The following SUSD1 variants were observed in gnomAD, a reference collection of about 807,000 sequenced individuals.
SUSD1 encodes sushi domain containing 1.
Under a neutral mutation model 86.9 loss-of-function variants are expected in SUSD1, and 65 were observed. The observed-to-expected ratio is 0.75, with a 90% CI of 0.61 to 0.92. The LOEUF (loss-of-function observed/expected upper bound fraction) is 0.92. Ranked by LOEUF, SUSD1 falls within the 40% of genes least tolerant of loss-of-function variation. SUSD1 has a pLI of 0.00. For synonymous variants in SUSD1, 346 were observed against 350.0 expected (o/e 0.99, Z 0.13); for missense variants, 850 against 929.7 (o/e 0.91, Z 1.11).
At position 112,058,638 on chromosome 9, in the gene SUSD1, A is replaced by C; in HGVS notation, c.1899T>G (p.Ser633=). The change falls in exon 14 of 17, where the codon TCT becomes TCG. Residue 633 remains serine (S), a synonymous_variant. Transcript: ENST00000374270. The part of the protein sequence containing the change: ...VLPLALQSTF[S]CDSEGASSFF... ...AGGAGGAAGCGCCTTCAGAATCACA[A>C]GAAAATGTGCTTTGGAGGGCCAGGG... The C allele has an allele frequency of 6.2e-7, 1 of 1,614,200 alleles. No individual in the cohort carries two copies. The highest frequency in any genetic ancestry group is 2.2e-5 in the East Asian group (1 of 44,894).
At chr9:112,170,708 T>TAGAGAGAGAGAGAG (rs374990062) in intron 1 of SUSD1, among the ~76,000 whole-genome samples, 11 of 95,504 alleles carry the variant, frequency 1.2e-4, no homozygotes, top group South Asian at 1.1e-3. Flanking sequence ...TATATATATA[T>TAGAGAGAGAGAGAG]ATAGAGAGAG....
intron 1 of SUSD1, among the ~76,000 whole-genome samples, chr9:112,159,389 G>A (rs1259749673): frequency 2.0e-5 from 3 of 152,152 alleles, no homozygotes; most frequent in Non-Finnish European, 2.9e-5. Flanking sequence ...CCATGCTGCT[G>A]TTCTGCGTGT....
intron 12 of SUSD1, among the ~76,000 whole-genome samples, chr9:112,073,636 C>CA (rs1829387616): frequency 6.6e-6 from 1 of 152,064 alleles, no homozygotes; most frequent in African/African-American, 2.4e-5. Flanking sequence ...CCTGTAATCC[C>CA]AGCACTTTGA....
intron 12 of SUSD1, among the ~76,000 whole-genome samples, chr9:112,071,358 G>T (rs559140980): frequency 6.6e-6 from 1 of 152,196 alleles, no homozygotes; most frequent in South Asian, 2.1e-4. Context: ...TACTTGGGAG[G>T]CTGAGGCAGG....
intron 1 of SUSD1, among the ~76,000 whole-genome samples, chr9:112,159,970 C>T (rs896716556): frequency 7.3e-5 from 11 of 151,400 alleles, no homozygotes; most frequent in African/African-American, 2.7e-4. Context: ...GTTTGGAAAT[C>T]TCCCAGTCTC....
At chr9:112,165,953 G>GAA (rs1363141477) in intron 1 of SUSD1, among the ~76,000 whole-genome samples, 36 of 145,500 alleles carry the variant, frequency 2.5e-4, no homozygotes, top group Non-Finnish European at 4.8e-4. Context: ...AAGAAAGAAA[G>GAA]AAAGAAAGAA....
intron 5 of SUSD1, among the ~76,000 whole-genome samples, chr9:112,133,088 G>C (rs146236957): frequency 1.3e-5 from 2 of 152,260 alleles, no homozygotes; most frequent in African/African-American, 4.8e-5. Context: ...GACCAGCCTG[G>C]GCAACATGTT....
chr9:112,111,237 G>A (rs1043251313), intron 8 of SUSD1, among the ~76,000 whole-genome samples: 1 of 151,948 alleles, frequency 6.6e-6, no homozygotes, highest in South Asian at 2.1e-4. Flanking sequence ...CAAGTGATCT[G>A]CCCACTTCAG....
At position 112,049,800 on chromosome 9, in the gene SUSD1, G is replaced by A. The variant is rs377506725; in HGVS notation, c.2149+2599C>T. Among the ~76,000 whole-genome samples the A allele has an allele frequency of 5.9e-5, 9 of 152,288 alleles. No homozygotes were observed. In the East Asian group the frequency reaches 9.6e-4, roughly 16 times the overall value. ...GCCTTCAGAATTTCCACAGAACAGT[G>A]TTTTTCCTATTATCTTCCAGAGATT... On this transcript the variant is annotated intron_variant, in intron 15 of 16. Coordinates refer to ENST00000374270, the MANE Select transcript of SUSD1 (RefSeq NM_022486.5).
At chr9:112,148,756 A>C (rs1832913595) in intron 3 of SUSD1, among the ~76,000 whole-genome samples, 1 of 152,058 alleles carries the variant, frequency 6.6e-6, no homozygotes. Flanking sequence ...AAATACAAAA[A>C]TTAGCTGAGC....
At chr9:112,109,647 A>G (rs1429697162) in intron 8 of SUSD1, among the ~76,000 whole-genome samples, 1 of 152,196 alleles carries the variant, frequency 6.6e-6, no homozygotes, top group Non-Finnish European at 1.5e-5. Context: ...TGTTTTTCCC[A>G]AGGGAAAGGA....
chr9:112,095,922 C>T (rs2782932), intron 10 of SUSD1, among the ~76,000 whole-genome samples: 20,894 of 151,932 alleles, frequency 0.14, 1,794 homozygotes, highest in East Asian at 0.22. Context: ...AAGGGAGCAA[C>T]GAAAATGGAA....
At chr9:112,164,569 A>C (rs899827760) in intron 1 of SUSD1, among the ~76,000 whole-genome samples, 7 of 152,000 alleles carry the variant, frequency 4.6e-5, no homozygotes, top group African/African-American at 1.7e-4. Context: ...GAGAAAACTC[A>C]TATATCCCAT....
intron 1 of SUSD1, among the ~76,000 whole-genome samples, 163 bp downstream of exon 1, chr9:112,174,970 T>C (rs954755355): frequency 2.6e-5 from 4 of 151,050 alleles, no homozygotes; most frequent in African/African-American, 9.7e-5. Context: ...TCTGAGCTCC[T>C]CCTTGCCGAT....
chr9:112,140,548 AAAAAGG>A (rs1355269314), intron 5 of SUSD1, among the ~76,000 whole-genome samples: 2 of 152,010 alleles, frequency 1.3e-5, no homozygotes, highest in Non-Finnish European at 2.9e-5. Context: ...AAAAGAAAGG[AAAAAGG>A]AAAAGGAAAA....
At chr9:112,100,415 T>C (rs1281694022) in intron 9 of SUSD1, among the ~76,000 whole-genome samples, 2 of 152,048 alleles carry the variant, frequency 1.3e-5, no homozygotes, top group Non-Finnish European at 2.9e-5. Flanking sequence ...CTCGATCTCC[T>C]GACCTCGTGA....
intron 8 of SUSD1, among the ~76,000 whole-genome samples, chr9:112,108,652 C>T (rs746423922): frequency 6.7e-6 from 1 of 149,848 alleles, no homozygotes; most frequent in African/African-American, 2.5e-5. Context: ...GTGGTGCACG[C>T]CTGTAGTCCC....
rs542851941 is a variant in SUSD1 at position 112,146,332 on chromosome 9, G to A, written c.374-2709C>T. On this transcript the variant is annotated intron_variant, in intron 3 of 16. Coordinates refer to ENST00000374270, the MANE Select transcript of SUSD1 (RefSeq NM_022486.5). ...CCAAAATGAGACAGTGGTGATGCTA[G>A]CACAACTTTGTGAATATACTAAAAA... Among the ~76,000 whole-genome samples the A allele has an allele frequency of 4.6e-5, 7 of 152,242 alleles. No homozygotes were observed. In the East Asian group the frequency reaches 1.4e-3, roughly 29 times the overall value.
chr9:112,164,503 G>A (rs1833696571), intron 1 of SUSD1, among the ~76,000 whole-genome samples: 1 of 150,756 alleles, frequency 6.6e-6, no homozygotes. Flanking sequence ...CTATGATCAT[G>A]CCACTGCACT....
Sources: gnomAD v4.1 joint callset for allele counts (sites outside exome capture counted in the v4.1 genomes callset) on GRCh38, gnomAD v4.1.1 for gene constraint, MANE v1.5 for transcripts, NCBI Gene and HGNC (gene_info 2026-07-23, HGNC 2026-07-21) for gene names.